Variants in APC observed in about 807,000 individuals in gnomAD.
The protein encoded by APC is APC regulator of Wnt signaling pathway.
A neutral mutation model predicts 247.0 loss-of-function variants in APC; 72 were observed. The observed-to-expected ratio is 0.29, with a 90% CI of 0.24 to 0.35. APC has a LOEUF of 0.35. Ranked by LOEUF, APC falls within the 10% of genes least tolerant of loss-of-function variation. The pLI is 1.00. For synonymous variants in APC, 1,254 were observed against 1,162.5 expected, an observed-to-expected ratio of 1.08 and a Z score of -1.60; for missense variants, 3,400 against 3,360.7, an observed-to-expected ratio of 1.01 and a Z score of -0.29.
At chr5:112,818,057 C>A (rs912971557) in intron 9 of APC, among the ~76,000 whole-genome samples, 2 of 152,212 alleles carry the variant, frequency 1.3e-5, no homozygotes, top group African/African-American at 4.8e-5. Context: ...GGTCTCTCCC[C>A]ACTAGATTCC....
At chr5:112,824,662 C>A (rs888318304) in intron 11 of APC, among the ~76,000 whole-genome samples, 8 of 152,124 alleles carry the variant, frequency 5.3e-5, no homozygotes, top group Non-Finnish European at 1.2e-4. Context: ...TCACACCAGG[C>A]AAGATTTTAT....
At chr5:112,771,941 A>T (rs1046971951) in intron 4 of APC, among the ~76,000 whole-genome samples, 1 of 152,150 alleles carries the variant, frequency 6.6e-6, no homozygotes, top group Non-Finnish European at 1.5e-5. Context: ...TTTTCTAGTT[A>T]GTAAAGTGAT....
intron 1 of APC, among the ~76,000 whole-genome samples, chr5:112,743,012 C>CA (rs891901650): frequency 6.6e-6 from 1 of 152,146 alleles, no homozygotes; most frequent in Non-Finnish European, 1.5e-5. Context: ...GGAGATCAGA[C>CA]ACGGTTTTCA....
intron 1 of APC, among the ~76,000 whole-genome samples, chr5:112,752,029 A>G (rs569730978): frequency 4.7e-4 from 71 of 152,146 alleles, no homozygotes; most frequent in African/African-American, 1.7e-3. Flanking sequence ...TAATTTTCTA[A>G]TAGTGACTTT....
intron 7 of APC, among the ~76,000 whole-genome samples, chr5:112,800,001 T>C (rs1416444722): frequency 2.0e-5 from 3 of 152,194 alleles, no homozygotes; most frequent in African/African-American, 4.8e-5. Context: ...GTTATATATA[T>C]TTACAGCACC....
rs553237635 is a variant in APC at position 112,715,952 on chromosome 5, A to T, written c.165+8070A>T. ...TAATAAATATTCTGTGGTCCTTTTA[A>T]TGGCTGCAGGAAAAGATTCCCTTTT... On this transcript the variant is annotated intron_variant, in intron 1 of 13. Coordinates refer to the APC transcript ENST00000507379. Among the ~76,000 whole-genome samples, 5 of 152,266 alleles carry T rather than the reference A, an allele frequency of 3.3e-5. No individual in the cohort carries two copies. The East Asian group carries it at 9.6e-4, about 29-fold the overall frequency.
rs1047599759 is a variant in APC at position 112,827,912 on chromosome 5, C to T, written c.1549-17C>T. The T allele has an allele frequency of 1.6e-5, 26 of 1,605,810 alleles. No individual in the cohort carries two copies. The highest frequency in any genetic ancestry group is 3.3e-5 in the Admixed American group (2 of 59,976). On this transcript the variant is annotated splice_polypyrimidine_tract_variant and intron_variant, in intron 12 of 15. Transcript: ENST00000257430. ...GTTGTCTTTTTAATGATCCTCTATT[C>T]TGTATTTAATTTACAGGCTACGCTA...
At chr5:112,767,100 AT>A in intron 3 of APC, 88 bp from the exon 4 acceptor site, 1 of 1,130,866 alleles carries the variant, frequency 8.8e-7, no homozygotes, top group Non-Finnish European at 1.3e-6. Flanking sequence ...TGTAAACCTA[AT>A]ATTTCACTTT....
chr5:112,728,679 CTTTTTTA>C (rs767495020), intron 1 of APC, among the ~76,000 whole-genome samples: 4 of 151,280 alleles, frequency 2.6e-5, no homozygotes, highest in African/African-American at 4.9e-5. Context: ...AATTTATAAA[CTTTTTTA>C]TAAAGAGTAT....
rs1055180096 is a variant in APC, at chr5:112,842,330, G to T, written c.6736G>T (p.Val2246Phe). The change falls in exon 16 of 16, where the codon GTT becomes TTT. Residue 2246 changes from valine (V) to phenylalanine (F), a missense_variant. Coordinates refer to ENST00000257430, the MANE Select transcript of APC (RefSeq NM_000038.6). The part of the protein sequence containing the change: ...VRNSSSSTSP[V>F]SKKGPPLKTP... ...AAATAGCTCCTCAAGTACAAGTCCT[G>T]TTTCTAAAAAAGGCCCACCCCTTAA... 3 of 1,613,836 alleles carry T rather than the reference G, an allele frequency of 1.9e-6. No individual in the cohort carries two copies. In the Admixed American group the frequency reaches 5.0e-5, roughly 27 times the overall value.
intron 1 of APC, among the ~76,000 whole-genome samples, chr5:112,738,791 A>G (rs1000974920): frequency 6.6e-5 from 10 of 152,260 alleles, no homozygotes; most frequent in Admixed American, 1.3e-4. Flanking sequence ...AAGTAGGAAT[A>G]ATGTCAGGCT....
chr5:112,815,335 G>A (rs1359204631), intron 8 of APC, among the ~76,000 whole-genome samples, 160 bp from the exon 9 acceptor site: 1 of 152,224 alleles, frequency 6.6e-6, no homozygotes, highest in Non-Finnish European at 1.5e-5. Context: ...CTTAGTAAGC[G>A]TATAGGTAAA....
At position 112,844,337 on chromosome 5, in the gene APC, A is replaced by T; in HGVS notation, c.*211A>T. 1 of 575,120 alleles carries T rather than the reference A, an allele frequency of 1.7e-6. No homozygotes were observed. The highest frequency in any genetic ancestry group is 2.9e-5 in the East Asian group (1 of 34,276). The allele number at this position is 575,120 out of a possible 1,614,324, so 35.6% of individuals were successfully genotyped here. A position where few individuals can be genotyped will look rare whatever the true frequency, so the allele number is the denominator to read the frequency against. On this transcript the variant is annotated 3_prime_UTR_variant, in exon 16 of 16. Coordinates refer to ENST00000257430, the MANE Select transcript of APC (RefSeq NM_000038.6). ...GGCACTCTTGATGGTTAGGAAAAAA[A>T]TAGTAAAGCCAAGTATGTTTGTACA...
rs730881265 is a variant in APC at position 112,843,182 on chromosome 5, C to T, written c.7588C>T (p.Arg2530Trp). ...GRPAKRHDIARSHSESPSRLP... is the reference protein window; with the variant it reads ...GRPAKRHDIAWSHSESPSRLP... ...ACCAGCAAAGCGCCATGATATTGCA[C>T]GGTCTCATTCTGAAAGTCCTTCTAG... Residue 2530 changes from arginine (R) to tryptophan (W), a missense_variant, in exon 16 of 16, where the codon CGG becomes TGG. Arg to Trp is a moderately radical substitution (Grantham distance 101). This residue lies in a region of APC where 1,788 missense variants were observed against 1,649.5 expected (regional missense o/e 1.08). Transcript: ENST00000257430. The surrounding 1 kb of genome is among the most constrained non-coding windows in gnomAD (Gnocchi z 4.8). 17 of 1,612,706 alleles carry T rather than the reference C, an allele frequency of 1.1e-5. No individual in the cohort carries two copies. The highest frequency in any genetic ancestry group is 2.2e-5 in the East Asian group (1 of 44,876).
At chr5:112,721,683 G>A (rs1334152576) in intron 1 of APC, among the ~76,000 whole-genome samples, 1 of 152,170 alleles carries the variant, frequency 6.6e-6, no homozygotes, top group Non-Finnish European at 1.5e-5. Context: ...TGGGTATCAT[G>A]TCAGAAGATC....
At chr5:112,833,498 A>G (rs1202050940) in intron 14 of APC, among the ~76,000 whole-genome samples, 1 of 151,758 alleles carries the variant, frequency 6.6e-6, no homozygotes, top group Admixed American at 6.6e-5. Flanking sequence ...TACTTTTTAT[A>G]TTTTTTGTAG....
intron 7 of APC, among the ~76,000 whole-genome samples, chr5:112,796,644 C>T (rs891141811): frequency 6.6e-6 from 1 of 151,476 alleles, no homozygotes; most frequent in Non-Finnish European, 1.5e-5. Flanking sequence ...TTTTTTTGCT[C>T]CTTTTCAGTT....
At chr5:112,723,922 G>A (rs1751625043) in intron 1 of APC, among the ~76,000 whole-genome samples, 1 of 152,042 alleles carries the variant, frequency 6.6e-6, no homozygotes, top group South Asian at 2.1e-4. Context: ...CTAATTTTGG[G>A]GGGGTCCAGG....
At chr5:112,729,283 G>A (rs992000389) in intron 1 of APC, among the ~76,000 whole-genome samples, 26 of 152,196 alleles carry the variant, frequency 1.7e-4, no homozygotes, top group African/African-American at 5.8e-4. Context: ...GAGAGAGACA[G>A]AAAATTAAAT....
Sources: allele counts gnomAD v4.1 joint callset (sites outside exome capture counted in the v4.1 genomes callset), GRCh38; gene constraint gnomAD v4.1.1; regional missense constraint gnomAD v4.1.1; non-coding constraint Gnocchi (gnomAD v3.1); transcripts MANE v1.5; gene names NCBI Gene and HGNC (gene_info 2026-07-23, HGNC 2026-07-21).